Variants in PVT1 observed in about 807,000 individuals in gnomAD.
The protein encoded by PVT1 is Pvt1 oncogene, also known as CXCR4/PVT1 fusion.
At chr8:127,834,368 T>C (rs933185251) in intron 2 of PVT1, among the ~76,000 whole-genome samples, 9 of 152,114 alleles carry the variant, frequency 5.9e-5, no homozygotes, top group African/African-American at 2.2e-4. Context: ...GCTAGCCATA[T>C]GTAGAAAACT....
chr8:127,979,891 G>A (rs1479966429), intron 3 of PVT1, among the ~76,000 whole-genome samples: 2 of 152,130 alleles, frequency 1.3e-5, no homozygotes, highest in Non-Finnish European at 2.9e-5. Flanking sequence ...GTGGTGGTTT[G>A]TTTTCAGTGA....
At chr8:128,081,557 T>C (rs116588392) in intron 5 of PVT1, among the ~76,000 whole-genome samples, 7,247 of 152,324 alleles carry the variant, frequency 0.048, 442 homozygotes, top group African/African-American at 0.14. Flanking sequence ...GGTTGGGGGT[T>C]ATTAGCCTTG....
intron 2 of PVT1, among the ~76,000 whole-genome samples, chr8:127,824,084 G>A (rs1308606350): frequency 6.6e-6 from 1 of 152,128 alleles, no homozygotes; most frequent in Non-Finnish European, 1.5e-5. Flanking sequence ...TCCTAGCTGA[G>A]GTGAGAGGAT....
chr8:127,877,811 A>G (rs1009019920), intron 2 of PVT1, among the ~76,000 whole-genome samples: 1 of 152,122 alleles, frequency 6.6e-6, no homozygotes, highest in Admixed American at 6.6e-5. Flanking sequence ...CCGTAGTCCC[A>G]GCTACTCTGG....
chr8:127,959,542 G>A (rs1054216641), intron 3 of PVT1, among the ~76,000 whole-genome samples: 6 of 139,010 alleles, frequency 4.3e-5, no homozygotes, highest in South Asian at 2.4e-4. Flanking sequence ...CCGAGATGGC[G>A]CCACTCTACT....
At chr8:128,047,206 C>T (rs1813625872) in intron 4 of PVT1, among the ~76,000 whole-genome samples, 1 of 152,152 alleles carries the variant, frequency 6.6e-6, no homozygotes, top group South Asian at 2.1e-4. Context: ...GATTTGCTAG[C>T]CTTGGGCTTT....
At chr8:128,022,619 T>C (rs772220818) in intron 4 of PVT1, among the ~76,000 whole-genome samples, 9 of 152,226 alleles carry the variant, frequency 5.9e-5, no homozygotes, top group Non-Finnish European at 1.2e-4. Context: ...GTACCCATGA[T>C]ATCTGATGGC....
chr8:127,847,744 TA>T (rs950574340), intron 2 of PVT1, among the ~76,000 whole-genome samples: 5 of 150,586 alleles, frequency 3.3e-5, no homozygotes, highest in African/African-American at 9.8e-5. Context: ...ATCTTTTCTG[TA>T]AAAAAAAAGC....
intron 2 of PVT1, among the ~76,000 whole-genome samples, chr8:127,801,926 T>G (rs1329783077): frequency 6.7e-6 from 1 of 149,052 alleles, no homozygotes; most frequent in Non-Finnish European, 1.5e-5. Context: ...ATTTATTTAT[T>G]TATTTACTGA....
chr8:127,985,108 A>C (rs1232846390), intron 3 of PVT1, among the ~76,000 whole-genome samples: 1 of 145,842 alleles, frequency 6.9e-6, no homozygotes, highest in Non-Finnish European at 1.5e-5. Context: ...ATCTCGGCTC[A>C]CTGTAACCTC....
intron 3 of PVT1, among the ~76,000 whole-genome samples, chr8:127,953,828 T>C (rs550017221): frequency 6.6e-6 from 1 of 152,218 alleles, no homozygotes; most frequent in East Asian, 1.9e-4. Context: ...TCTTTTCTTT[T>C]GTTTCCTTTT....
Position 127,863,979 on chromosome 8 carries a change from C to T in PVT1, n.373-26610C>T, listed in dbSNP as rs536964126. 2.6e-5 allele frequency among the ~76,000 whole-genome samples: 4 copies of T among 152,264 alleles called. No individual in the cohort carries two copies. The South Asian group carries it at 6.2e-4, about 24-fold the overall frequency. ...TTATTTTGGCTCAGCGCGGATGGAG[C>T]GAGATGTAGGGGAAAGGTTGGGACC... On this transcript the variant is annotated intron_variant and non_coding_transcript_variant, in intron 2 of 10. Coordinates refer to ENST00000651587, the Ensembl canonical transcript of PVT1.
At chr8:127,798,646 G>A (rs1814425766) in intron 2 of PVT1, among the ~76,000 whole-genome samples, 2 of 146,698 alleles carry the variant, frequency 1.4e-5, no homozygotes, top group South Asian at 4.3e-4. Context: ...ATTACCTGAG[G>A]TCAGGAGTTC....
At chr8:127,893,256 T>C (rs1478580404) in intron 3 of PVT1, among the ~76,000 whole-genome samples, 2 of 152,176 alleles carry the variant, frequency 1.3e-5, no homozygotes, top group African/African-American at 4.8e-5. Flanking sequence ...TTATCTGTTT[T>C]ACTGTTTTTT....
At chr8:128,065,196 T>A (rs375349610) in intron 4 of PVT1, among the ~76,000 whole-genome samples, 3 of 93,818 alleles carry the variant, frequency 3.2e-5, no homozygotes, top group Admixed American at 1.3e-4. Context: ...CTTTTTTATT[T>A]TTTATTTTTT....
intron 3 of PVT1, among the ~76,000 whole-genome samples, chr8:127,954,663 G>A (rs1816547956): frequency 6.6e-6 from 1 of 152,204 alleles, no homozygotes. Flanking sequence ...GGAGTTGCCT[G>A]CCTTGAGCAG....
intron 2 of PVT1, chr8:127,852,395 C>T: frequency 6.6e-6 from 1 of 152,238 alleles, no homozygotes; most frequent in East Asian, 1.9e-4. Flanking sequence ...CTGGGCAAGT[C>T]ATTCTCCTGC....
intron 2 of PVT1, among the ~76,000 whole-genome samples, chr8:127,811,015 G>A (rs1321604910): frequency 6.6e-6 from 1 of 152,160 alleles, no homozygotes. Flanking sequence ...TTAGGAGGAT[G>A]AGTAGATTGT....
intron 4 of PVT1, among the ~76,000 whole-genome samples, chr8:127,994,802 GCA>G (rs1018494569): frequency 2.6e-5 from 4 of 152,300 alleles, no homozygotes; most frequent in Admixed American, 2.0e-4. Context: ...AATGCCAAGG[GCA>G]GGAGAAGATC....
Sources: allele counts gnomAD v4.1 joint callset (sites outside exome capture counted in the v4.1 genomes callset), GRCh38; gene constraint gnomAD v4.1.1; transcripts MANE v1.5; gene names NCBI Gene and HGNC (gene_info 2026-07-23, HGNC 2026-07-21).